The following VPS13B variants were observed in gnomAD, a reference collection of about 807,000 sequenced individuals.
The protein encoded by VPS13B is intermembrane lipid transfer protein VPS13B.
In VPS13B, 285 loss-of-function variants were observed where a neutral mutation model predicts 426.4. The ratio of observed to expected loss-of-function variants is 0.67; its 90% CI spans 0.61 to 0.74. The LOEUF (loss-of-function observed/expected upper bound fraction) is 0.74, where lower values mean the gene tolerates loss of function less well. Ranked by LOEUF, VPS13B falls within the 30% of genes least tolerant of loss-of-function variation. The probability of loss-of-function intolerance (pLI) is 0.00; values close to 1 mark genes in which losing one functional copy is unlikely to be tolerated. For missense variants in VPS13B, 4,537 were observed against 4,782.6 expected (o/e 0.95, Z 1.51); for synonymous variants, 1,676 against 1,676.4 (o/e 1.00, Z 0.01).
intron 21 of VPS13B, among the ~76,000 whole-genome samples, chr8:99,402,312 T>A (rs1230363291): frequency 3.3e-5 from 5 of 152,190 alleles, no homozygotes; most frequent in African/African-American, 1.2e-4. Context: ...GTGTCTCATC[T>A]GTGTATGCCG....
chr8:99,108,196 T>C (rs1248488584), intron 5 of VPS13B, among the ~76,000 whole-genome samples: 7 of 152,228 alleles, frequency 4.6e-5, no homozygotes, highest in Non-Finnish European at 1.0e-4. Context: ...TTTATGGCTA[T>C]GTAGTATTCG....
chr8:99,234,182 A>G lies in VPS13B; in HGVS notation c.2516-40016A>G, dbSNP rs559454490. On this transcript the variant is annotated intron_variant, in intron 17 of 61. Coordinates refer to ENST00000357162, the MANE Select transcript of VPS13B (RefSeq NM_152564.5). ...TCACCTCTTCATCCAGGATGTAGGA[A>G]ATCTTGAAGGAATAGTTCTCAAACT... The G allele has an allele frequency of 6.3e-5, 49 of 779,564 alleles. No individual in the cohort carries two copies. The East Asian group carries it at 1.1e-3, about 18-fold the overall frequency. The allele number at this position is 779,564 out of a possible 1,614,324, so 48.3% of individuals were successfully genotyped here.
intron 19 of VPS13B, among the ~76,000 whole-genome samples, chr8:99,317,936 A>G (rs1309158567): frequency 6.6e-6 from 1 of 152,144 alleles, no homozygotes; most frequent in Non-Finnish European, 1.5e-5. Context: ...TGTTTTATAT[A>G]TGTATATATA....
At chr8:99,670,604 T>A (rs1358805260) in intron 35 of VPS13B, among the ~76,000 whole-genome samples, 3 of 152,098 alleles carry the variant, frequency 2.0e-5, no homozygotes, top group Non-Finnish European at 4.4e-5. Context: ...CCTGCAAAAC[T>A]GAAACTTTGT....
At chr8:99,471,448 T>C (rs1340494022) in intron 24 of VPS13B, among the ~76,000 whole-genome samples, 2 of 152,084 alleles carry the variant, frequency 1.3e-5, no homozygotes, top group Non-Finnish European at 2.9e-5. Flanking sequence ...AACTCTTAAG[T>C]AGACCGAAAG....
At chr8:99,758,001 A>C (rs556441486) in intron 39 of VPS13B, among the ~76,000 whole-genome samples, 20 of 152,184 alleles carry the variant, frequency 1.3e-4, no homozygotes, top group Non-Finnish European at 2.6e-4. Context: ...CGGGCTTTCT[A>C]AACTATTTTT....
intron 39 of VPS13B, among the ~76,000 whole-genome samples, chr8:99,731,277 TGATATC>T (rs1443407204): frequency 6.6e-6 from 1 of 152,224 alleles, no homozygotes; most frequent in African/African-American, 2.4e-5. Context: ...ATTTTATATG[TGATATC>T]CCTTCTATCT....
At chr8:99,089,780 G>A (rs1846043309) in intron 3 of VPS13B, among the ~76,000 whole-genome samples, 1 of 152,068 alleles carries the variant, frequency 6.6e-6, no homozygotes. Context: ...TCAGAGAAAA[G>A]ACCACCAGGA....
intron 23 of VPS13B, among the ~76,000 whole-genome samples, chr8:99,462,739 G>A (rs746805103): frequency 3.9e-5 from 6 of 152,166 alleles, no homozygotes; most frequent in African/African-American, 9.7e-5. Flanking sequence ...CATTTAGGAG[G>A]TAATTAGGTT....
At chr8:99,020,449 T>G (rs1315184771) in intron 2 of VPS13B, among the ~76,000 whole-genome samples, 3 of 152,240 alleles carry the variant, frequency 2.0e-5, no homozygotes, top group Non-Finnish European at 4.4e-5. Context: ...TCTTACTCTA[T>G]AATAGTGTCC....
chr8:99,601,367 T>C (rs1253262905), intron 33 of VPS13B, among the ~76,000 whole-genome samples: 2 of 152,248 alleles, frequency 1.3e-5, no homozygotes, highest in Non-Finnish European at 2.9e-5. Context: ...CCATGGTGTA[T>C]ATGTGCCACA....
chr8:99,305,850 C>T (rs947947477), intron 19 of VPS13B, among the ~76,000 whole-genome samples: 7 of 152,156 alleles, frequency 4.6e-5, no homozygotes, highest in African/African-American at 1.7e-4. Flanking sequence ...TGACATTAGC[C>T]ACTCTGCTAG....
At chr8:99,087,997 A>G (rs1230514003) in intron 3 of VPS13B, among the ~76,000 whole-genome samples, 1 of 152,016 alleles carries the variant, frequency 6.6e-6, no homozygotes, top group African/African-American at 2.4e-5. Flanking sequence ...CAGCCTGGCC[A>G]ATATGGTGAA....
chr8:99,697,851 A>G (rs1160738526), intron 35 of VPS13B: 2 of 566,090 alleles, frequency 3.5e-6, no homozygotes, highest in Non-Finnish European at 6.9e-6. Context: ...CTGGATGAAG[A>G]CAAGAATGGC....
At chr8:99,134,796 T>C in intron 9 of VPS13B, 69 bp downstream of exon 9, 2 of 1,327,816 alleles carry the variant, frequency 1.5e-6, no homozygotes, top group Non-Finnish European at 1.1e-6. Context: ...ATACCTGTTT[T>C]TATCAGATGT....
chr8:99,634,229 T>C (rs559335222), intron 33 of VPS13B, among the ~76,000 whole-genome samples: 1 of 152,108 alleles, frequency 6.6e-6, no homozygotes, highest in African/African-American at 2.4e-5. Context: ...ACTTTTTTTT[T>C]AGTTTATCAT....
intron 44 of VPS13B, among the ~76,000 whole-genome samples, chr8:99,810,948 T>C (rs1369814041): frequency 6.6e-6 from 1 of 152,164 alleles, no homozygotes; most frequent in African/African-American, 2.4e-5. Flanking sequence ...AGTGTGAGCA[T>C]TGAGCCAAAG....
intron 31 of VPS13B, among the ~76,000 whole-genome samples, chr8:99,570,680 A>G (rs1825430530): frequency 6.6e-6 from 1 of 152,000 alleles, no homozygotes; most frequent in African/African-American, 2.4e-5. Flanking sequence ...GCTTTTGAAA[A>G]TGGGATCTAA....
At chr8:99,360,146 CTTTCTTTCTT>C (rs1389584942) in intron 19 of VPS13B, among the ~76,000 whole-genome samples, 4 of 31,856 alleles carry the variant, frequency 1.3e-4, no homozygotes, top group African/African-American at 6.3e-4. Flanking sequence ...TTCTTTCTTT[CTTTCTTTCTT>C]TCTTTCTTTC....
Sources: gnomAD v4.1 joint callset for allele counts (sites outside exome capture counted in the v4.1 genomes callset) on GRCh38, gnomAD v4.1.1 for gene constraint, MANE v1.5 for transcripts, NCBI Gene and HGNC (gene_info 2026-07-23, HGNC 2026-07-21) for gene names.